SLC25A18: variants seen among roughly 807,000 people sequenced by gnomAD.
The protein encoded by SLC25A18 is mitochondrial glutamate carrier 2.
Under a neutral mutation model 31.1 loss-of-function variants are expected in SLC25A18, and 24 were observed. The observed-to-expected ratio is 0.77, with a 90% confidence interval of 0.56 to 1.08. The LOEUF is 1.08. SLC25A18 is among the 50% of genes least tolerant of loss of function. The probability of loss-of-function intolerance (pLI) is 0.00; values close to 1 mark genes in which losing one functional copy is unlikely to be tolerated. For missense variants in SLC25A18, 371 were observed against 418.5 expected (o/e 0.89, Z 0.99); for synonymous variants, 173 against 161.9 (o/e 1.07, Z -0.52).
chr22:17,580,803 C>T (rs994338525), intron 3 of SLC25A18: 2 of 1,286,918 alleles, frequency 1.6e-6, no homozygotes, highest in South Asian at 4.8e-5. Flanking sequence ...CCCAGAAGCC[C>T]CTGCAGGTCC....
At chr22:17,578,454 A>C (rs1308887620) in intron 2 of SLC25A18, among the ~76,000 whole-genome samples, 2 of 152,186 alleles carry the variant, frequency 1.3e-5, no homozygotes, top group Non-Finnish European at 2.9e-5. Context: ...TGGAGACAGC[A>C]AAGAATTGCT....
intron 1 of SLC25A18, among the ~76,000 whole-genome samples, chr22:17,568,744 G>T (rs919585772): frequency 3.3e-5 from 5 of 150,954 alleles, no homozygotes; most frequent in African/African-American, 1.2e-4. Flanking sequence ...TGTATTTTTA[G>T]TAGAAACAGG....
chr22:17,590,278 C>G lies in SLC25A18; in HGVS notation c.*42C>G. On this transcript the variant is annotated 3_prime_UTR_variant, in exon 11 of 11. Transcript: ENST00000327451. ...AGTCCCTGCGCTTGCCGCCCTCTCT[C>G]TAGCTGTTTCACTTAGCCTAGAGGG... 6.2e-7 allele frequency: 1 copy of G among 1,612,842 alleles called. No individual in the cohort carries two copies. The highest frequency in any genetic ancestry group is 1.1e-5 in the South Asian group (1 of 90,974).
At position 17,587,935 on chromosome 22, in the gene SLC25A18, T is replaced by C. The variant is rs1339166261; in HGVS notation, c.586T>C (p.Phe196Leu). The change falls in exon 9 of 11, where the codon TTC becomes CTC. Residue 196 changes from phenylalanine (F) to leucine (L), a missense_variant. Coordinates refer to ENST00000327451, the MANE Select transcript of SLC25A18 (RefSeq NM_031481.3). ...LGATLLRDIP[F>L]SIIYFPLFAN... ...CTTCCTCTTCTGCAGAGACATTCCT[T>C]TCTCCATCATCTACTTCCCACTGTT... 6.2e-7 allele frequency: 1 copy of C among 1,614,004 alleles called. No individual in the cohort carries two copies. The highest frequency in any genetic ancestry group is 1.3e-5 in the African/African-American group (1 of 74,922).
chr22:17,569,789 A>G (rs1048432736), intron 1 of SLC25A18, 135 bp from the exon 2 acceptor site: 2 of 985,116 alleles, frequency 2.0e-6, no homozygotes, highest in Admixed American at 6.2e-5. Flanking sequence ...AACCCAACCT[A>G]TTTGAAGGTG....
chr22:17,573,777 G>A (rs190497888), intron 2 of SLC25A18, among the ~76,000 whole-genome samples: 4 of 152,192 alleles, frequency 2.6e-5, no homozygotes, highest in Non-Finnish European at 5.9e-5. Context: ...TCTCTACAAA[G>A]TTCTCTCCCA....
intron 3 of SLC25A18, chr22:17,580,489 G>A: frequency 1.0e-6 from 1 of 986,000 alleles, no homozygotes; most frequent in Non-Finnish European, 1.2e-6. Context: ...CTCAAGGGCT[G>A]ACCGACTTGA....
intron 2 of SLC25A18, among the ~76,000 whole-genome samples, chr22:17,575,632 T>C (rs1292808671): frequency 6.6e-6 from 1 of 152,126 alleles, no homozygotes; most frequent in Non-Finnish European, 1.5e-5. Context: ...CAGTGAACAG[T>C]AGCCAGGGGA....
chr22:17,575,912 T>G (rs1469550778), intron 2 of SLC25A18, among the ~76,000 whole-genome samples: 2 of 152,190 alleles, frequency 1.3e-5, no homozygotes, highest in African/African-American at 2.4e-5. Flanking sequence ...ACAGGGAGCC[T>G]CTGTCTTCCA....
chr22:17,579,730 C>CT lies in SLC25A18; in HGVS notation c.-200-14dup, dbSNP rs2057323365. The CT allele has an allele frequency of 1.4e-6, 2 of 1,380,216 alleles. No individual in the cohort carries two copies. Among genetic ancestry groups the CT allele is most frequent in the Non-Finnish European group, 1.9e-6 (2 of 1,069,124 alleles). The allele number at this position is 1,380,216 out of a possible 1,614,324, so 85.5% of individuals were successfully genotyped here. Reference sequence around the variant, plus strand: ...GCCCATCTGTGAGGTGAGTGTTTCTCTGACTACTTTGCAGGGGAGGAAGCC... The same window carrying CT: ...GCCCATCTGTGAGGTGAGTGTTTCTCTTGACTACTTTGCAGGGGAGGAAGCC... On this transcript the variant is annotated splice_polypyrimidine_tract_variant and intron_variant, in intron 2 of 10. Transcript: ENST00000327451.
rs2057600248 is a variant in SLC25A18, at chr22:17,587,934, T to C, written c.585T>C (p.Pro195=). The C allele has an allele frequency of 1.9e-6, 3 of 1,614,018 alleles. No homozygotes were observed. The African/African-American group carries it at 4.0e-5, about 22-fold the overall frequency. ...GLGATLLRDI[P]FSIIYFPLFA... ...CCTTCCTCTTCTGCAGAGACATTCC[T>C]TTCTCCATCATCTACTTCCCACTGT... is the stretch of plus-strand genomic sequence containing the variant. The change falls in exon 9 of 11, where the codon CCT becomes CCC. Residue 195 remains proline (P), a synonymous_variant. Coordinates refer to ENST00000327451, the MANE Select transcript of SLC25A18 (RefSeq NM_031481.3).
intron 2 of SLC25A18, among the ~76,000 whole-genome samples, chr22:17,574,483 C>T (rs1019471325): frequency 6.6e-6 from 1 of 151,938 alleles, no homozygotes; most frequent in Non-Finnish European, 1.5e-5. Context: ...GCACGCCCCA[C>T]CTTCTGCTTT....
chr22:17,574,503 C>T (rs965183253), intron 2 of SLC25A18, among the ~76,000 whole-genome samples: 2 of 148,304 alleles, frequency 1.3e-5, no homozygotes, highest in African/African-American at 5.1e-5. Flanking sequence ...TTAAATGCTT[C>T]CTTATTCTTT....
chr22:17,569,876 G>A (rs868799517), intron 1 of SLC25A18, 48 bp from the exon 2 acceptor site: 5 of 985,504 alleles, frequency 5.1e-6, no homozygotes, highest in Middle Eastern at 5.2e-4. Flanking sequence ...CCACAGAAGG[G>A]AAAACCAGTC....
At chr22:17,588,122 A>G (rs1327069839) in intron 9 of SLC25A18, 43 bp downstream of exon 9, 1 of 1,609,104 alleles carries the variant, frequency 6.2e-7, no homozygotes, top group East Asian at 2.2e-5. Context: ...GATAAACAGT[A>G]ATTTTGCACT....
At chr22:17,579,687 C>T in intron 2 of SLC25A18, 58 bp from the exon 3 acceptor site, 1 of 1,295,612 alleles carries the variant, frequency 7.7e-7, no homozygotes. Context: ...CATGAATCCA[C>T]TAGTGACGTG....
rs1405071041 is a variant in SLC25A18, at chr22:17,579,897, C to G, written c.-48C>G. The G allele has an allele frequency of 6.3e-7, 1 of 1,598,478 alleles. No individual in the cohort carries two copies. Among genetic ancestry groups the G allele is most frequent in the Admixed American group, 1.7e-5 (1 of 57,620 alleles). ...CCCAGACAGCCCCAACAGCGGCTAC[C>G]CCAAGGAGCCAGCAGCCTTGTGTCC... is the stretch of plus-strand genomic sequence containing the variant. On this transcript the variant is annotated 5_prime_UTR_variant, in exon 3 of 11. Coordinates refer to ENST00000327451, the MANE Select transcript of SLC25A18 (RefSeq NM_031481.3).
intron 2 of SLC25A18, among the ~76,000 whole-genome samples, chr22:17,576,032 C>T (rs901741698): frequency 6.6e-6 from 1 of 152,084 alleles, no homozygotes; most frequent in Admixed American, 6.6e-5. Flanking sequence ...CCCAATACCC[C>T]CTACACCCTC....
At chr22:17,577,189 A>AT (rs983834920) in intron 2 of SLC25A18, among the ~76,000 whole-genome samples, 9 of 152,060 alleles carry the variant, frequency 5.9e-5, no homozygotes, top group Non-Finnish European at 8.8e-5. Context: ...CACCCGGCCA[A>AT]TTTTTTGTAT....
Sources: gnomAD v4.1 joint callset for allele counts (sites outside exome capture counted in the v4.1 genomes callset) on GRCh38, gnomAD v4.1.1 for gene constraint, MANE v1.5 for transcripts, NCBI Gene and HGNC (gene_info 2026-07-23, HGNC 2026-07-21) for gene names.